Variants in CSMD3 observed in about 807,000 individuals in gnomAD.
CSMD3 encodes the protein CUB and sushi domain-containing protein 3.
Under a neutral mutation model 435.2 loss-of-function variants are expected in CSMD3, and 177 were observed. The ratio of observed to expected loss-of-function variants is 0.41; its 90% confidence interval spans 0.36 to 0.46. The LOEUF (loss-of-function observed/expected upper bound fraction) is 0.46, where lower values mean the gene tolerates loss of function less well. Among genes scored for constraint, CSMD3 ranks in the 20% least tolerant of loss-of-function variants. CSMD3 has a pLI of 0.34. For synonymous variants in CSMD3, 1,656 were observed against 1,520.5 expected (o/e 1.09, Z -2.07); for missense variants, 4,265 against 4,504.6 (o/e 0.95, Z 1.52).
At chr8:112,591,659 T>G (rs1831203297) in intron 22 of CSMD3, among the ~76,000 whole-genome samples, 1 of 152,074 alleles carries the variant, frequency 6.6e-6, no homozygotes, top group South Asian at 2.1e-4. Flanking sequence ...TTTTTAAACA[T>G]AAACATATGG....
At chr8:112,883,749 T>A (rs2081512675) in intron 10 of CSMD3, among the ~76,000 whole-genome samples, 1 of 151,982 alleles carries the variant, frequency 6.6e-6, no homozygotes, top group Non-Finnish European at 1.5e-5. Flanking sequence ...ACATGTTTTT[T>A]AAATAATGCC....
chr8:112,269,048 T>C (rs1180479910), intron 59 of CSMD3, among the ~76,000 whole-genome samples: 1 of 152,116 alleles, frequency 6.6e-6, no homozygotes. Flanking sequence ...ACTGTGACAA[T>C]CAAAAAGTAT....
chr8:113,386,426 G>T (rs1470295643), intron 1 of CSMD3, among the ~76,000 whole-genome samples: 1 of 151,812 alleles, frequency 6.6e-6, no homozygotes, highest in African/African-American at 2.4e-5. Flanking sequence ...ATTAGTTGAT[G>T]CATAAAGACA....
chr8:112,466,704 G>A lies in CSMD3; in HGVS notation c.5395+5887C>T, dbSNP rs1429940094. Among the ~76,000 whole-genome samples, 5 of 152,032 alleles carry A rather than the reference G, an allele frequency of 3.3e-5. No homozygotes were observed. In the East Asian group the frequency reaches 9.7e-4, roughly 29 times the overall value. On this transcript the variant is annotated intron_variant, in intron 32 of 70. Coordinates refer to ENST00000297405, the MANE Select transcript of CSMD3 (RefSeq NM_198123.2). ...CTAAATTCTCAGATTACCATTTACAGGTTAACAATTTATGCAGAAATGTGA... is the reference window on the plus strand; with the variant it reads ...CTAAATTCTCAGATTACCATTTACAAGTTAACAATTTATGCAGAAATGTGA...
chr8:112,235,309 A>G (rs1813464038), intron 67 of CSMD3, among the ~76,000 whole-genome samples: 2 of 152,002 alleles, frequency 1.3e-5, no homozygotes, highest in African/African-American at 2.4e-5. Flanking sequence ...GCTTGAGCCC[A>G]GGAGCCGGAG....
chr8:112,586,626 C>A (rs530746848), intron 23 of CSMD3, among the ~76,000 whole-genome samples: 9 of 150,796 alleles, frequency 6.0e-5, no homozygotes, highest in African/African-American at 1.9e-4. Context: ...AGATTCTTCA[C>A]GTATTAACAA....
rs539218877 is a variant in CSMD3, at chr8:113,375,986, CCTGT to C, written c.178+60687_178+60690del. 6.6e-3 allele frequency among the ~76,000 whole-genome samples: 1,008 copies of C among 151,920 alleles called. 6 individuals carry two copies. The highest frequency in any genetic ancestry group is 0.015 in the South Asian group (71 of 4,806). Reference sequence around the variant, plus strand: ...TGTTCTTTTAATGTCATACTGGAGCCCTGTCTAAGACGCTCACTCAAGGTTGATT... The same window carrying C: ...TGTTCTTTTAATGTCATACTGGAGCCCTAAGACGCTCACTCAAGGTTGATT... On this transcript the variant is annotated intron_variant, in intron 1 of 70. Coordinates refer to ENST00000297405, the MANE Select transcript of CSMD3 (RefSeq NM_198123.2).
chr8:113,175,019 C>T (rs1041654148), intron 3 of CSMD3, among the ~76,000 whole-genome samples: 2 of 151,326 alleles, frequency 1.3e-5, no homozygotes, highest in Non-Finnish European at 3.0e-5. Flanking sequence ...AAATATTTTC[C>T]CATTTTGCTT....
rs145207468 is a variant in CSMD3 at position 112,546,184 on chromosome 8, A to T, written c.4564+4487T>A. Among the ~76,000 whole-genome samples, 208 of 152,340 alleles carry T rather than the reference A, an allele frequency of 1.4e-3. 7 individuals are homozygous for T. The highest frequency in any genetic ancestry group is 9.9e-3 in the East Asian group (51 of 5,176). On this transcript the variant is annotated intron_variant, in intron 27 of 70. Transcript: ENST00000297405. ...ATGAATAGTGAGGAGTGAAGCTGGC[A>T]GGTAGGTTGGGACATATTCTGGAGG...
In CSMD3 at chr8:112,343,447, C is replaced by T. The variant is rs554258164; in HGVS notation, c.6443-1761G>A. Among the ~76,000 whole-genome samples the T allele has an allele frequency of 1.6e-3, 247 of 152,126 alleles. 5 individuals carry two copies. In the South Asian group the frequency reaches 0.047, roughly 29 times the overall value. Reference sequence around the variant, plus strand: ...AATAGGATTTCTAAATAGAAAGTCCCCAGCAACCTTCTCTCAATAACGTTC... The same window carrying T: ...AATAGGATTTCTAAATAGAAAGTCCTCAGCAACCTTCTCTCAATAACGTTC... On this transcript the variant is annotated intron_variant, in intron 41 of 70. Coordinates refer to ENST00000297405, the MANE Select transcript of CSMD3 (RefSeq NM_198123.2).
chr8:112,972,715 C>T (rs1157249134), intron 7 of CSMD3, among the ~76,000 whole-genome samples: 1 of 151,910 alleles, frequency 6.6e-6, no homozygotes. Context: ...ATTATAAACA[C>T]TTATTCATTA....
intron 13 of CSMD3, among the ~76,000 whole-genome samples, chr8:112,753,536 C>T (rs2077622274): frequency 6.6e-6 from 1 of 152,090 alleles, no homozygotes; most frequent in Non-Finnish European, 1.5e-5. Context: ...ATTGTAAACA[C>T]GGAAAAAGTA....
chr8:113,266,315 A>G (rs1285522236), intron 3 of CSMD3, among the ~76,000 whole-genome samples: 1 of 151,340 alleles, frequency 6.6e-6, no homozygotes, highest in South Asian at 2.1e-4. Flanking sequence ...TAAAAAGACA[A>G]AGATTATATA....
At chr8:112,781,805 C>T (rs2078394496) in intron 13 of CSMD3, among the ~76,000 whole-genome samples, 1 of 152,150 alleles carries the variant, frequency 6.6e-6, no homozygotes, top group Non-Finnish European at 1.5e-5. Flanking sequence ...GGGAAGTCTC[C>T]TGAATCTTAC....
At chr8:112,792,955 T>A (rs113214093) in intron 13 of CSMD3, among the ~76,000 whole-genome samples, 2,915 of 151,772 alleles carry the variant, frequency 0.019, 51 homozygotes, top group Middle Eastern at 0.048. Flanking sequence ...ACAATATGGT[T>A]TGAGTGATGA....
At chr8:112,968,140 G>C (rs1297282358) in intron 7 of CSMD3, among the ~76,000 whole-genome samples, 1 of 151,794 alleles carries the variant, frequency 6.6e-6, no homozygotes, top group Non-Finnish European at 1.5e-5. Flanking sequence ...AATGAGATAA[G>C]TAGATTGTTA....
At chr8:112,457,974 C>A (rs559495705) in intron 32 of CSMD3, among the ~76,000 whole-genome samples, 1 of 152,058 alleles carries the variant, frequency 6.6e-6, no homozygotes, top group Non-Finnish European at 1.5e-5. Flanking sequence ...AAAATGTCCT[C>A]CTCACCCAGG....
chr8:112,517,325 C>A lies in CSMD3; in HGVS notation c.4565-100G>T, dbSNP rs191774142. The A allele has an allele frequency of 2.2e-4, 175 of 790,728 alleles. 1 individual carries two copies. In the East Asian group the frequency reaches 4.5e-3, roughly 20 times the overall value. The allele number at this position is 790,728 out of a possible 1,614,324, so 49.0% of individuals were successfully genotyped here. On this transcript the variant is annotated intron_variant, in intron 27 of 70. Coordinates refer to ENST00000297405, the MANE Select transcript of CSMD3 (RefSeq NM_198123.2). ...AAATTAATTTTTAAAATTTTGGGGT[C>A]AATTTTTAAATGCTATACAATAAAC... is the stretch of plus-strand genomic sequence containing the variant.
At chr8:113,243,970 G>T (rs976120474) in intron 3 of CSMD3, among the ~76,000 whole-genome samples, 7 of 151,916 alleles carry the variant, frequency 4.6e-5, no homozygotes, top group East Asian at 3.9e-4. Flanking sequence ...TTTATTTTTC[G>T]GTTGTAAGCA....
Sources: allele counts gnomAD v4.1 joint callset (sites outside exome capture counted in the v4.1 genomes callset), GRCh38; gene constraint gnomAD v4.1.1; transcripts MANE v1.5; gene names NCBI Gene and HGNC (gene_info 2026-07-23, HGNC 2026-07-21).